Variants in CYSLTR2 observed in about 807,000 individuals in gnomAD.
CYSLTR2 encodes the protein G-protein coupled receptor GPCR21.
For missense variants in CYSLTR2, 398 were observed against 411.9 expected (o/e 0.97, Z 0.29); for synonymous variants, 179 against 160.8 (o/e 1.11, Z -0.86).
chr13:48,687,074 G>T (rs764573798), intron 1 of CYSLTR2, among the ~76,000 whole-genome samples: 1 of 152,010 alleles, frequency 6.6e-6, no homozygotes, highest in Non-Finnish European at 1.5e-5. Context: ...TCCTGGAGCT[G>T]GGACATTCTT....
At chr13:48,696,763 A>G (rs1954197724) in intron 4 of CYSLTR2, 137 bp downstream of exon 4, 1 of 152,276 alleles carries the variant, frequency 6.6e-6, no homozygotes, top group Admixed American at 6.5e-5. Flanking sequence ...GACAGATGGT[A>G]CCTGGAAAAT....
chr13:48,678,402 C>T (rs905493203), intron 1 of CYSLTR2, among the ~76,000 whole-genome samples: 3 of 152,098 alleles, frequency 2.0e-5, no homozygotes, highest in African/African-American at 7.2e-5. Context: ...TCTTTACTCT[C>T]CTTGTATCAT....
intron 1 of CYSLTR2, among the ~76,000 whole-genome samples, chr13:48,682,134 C>T (rs543481663): frequency 1.3e-5 from 2 of 152,242 alleles, no homozygotes; most frequent in East Asian, 3.9e-4. Flanking sequence ...AACGCTGGTT[C>T]TAGTGCCCTG....
chr13:48,680,800 C>CTTTTCTTTTCT (rs1953732111), intron 1 of CYSLTR2, among the ~76,000 whole-genome samples: 5 of 55,046 alleles, frequency 9.1e-5, no homozygotes, highest in Non-Finnish European at 1.7e-4. Context: ...CTTTTCTTTT[C>CTTTTCTTTTCT]TTTTTTTTTT....
At chr13:48,662,543 A>C (rs1161826568) in intron 1 of CYSLTR2, among the ~76,000 whole-genome samples, 3 of 152,186 alleles carry the variant, frequency 2.0e-5, no homozygotes, top group Non-Finnish European at 4.4e-5. Context: ...GATAATAGCC[A>C]TCCTAACTGG....
rs1425182620 is a variant in CYSLTR2, at chr13:48,673,347, T to C, written c.-265-17865T>C. On this transcript the variant is annotated intron_variant, in intron 1 of 4. Coordinates refer to ENST00000682523, the MANE Select transcript of CYSLTR2 (RefSeq NM_001308476.3). ...GCTATTCTTGTTGCATTGATCGCTT[T>C]ATCATTATGTGATTCCCTTCTTTGC... Among the ~76,000 whole-genome samples the C allele has an allele frequency of 2.0e-5, 3 of 152,120 alleles. No homozygotes were observed. In the South Asian group the frequency reaches 6.2e-4, roughly 32 times the overall value.
intron 1 of CYSLTR2, among the ~76,000 whole-genome samples, chr13:48,666,876 A>T (rs879820858): frequency 2.0e-5 from 3 of 151,876 alleles, no homozygotes; most frequent in Admixed American, 6.6e-5. Context: ...TATTATTTTG[A>T]GTTCCTTTAT....
At chr13:48,655,820 G>C (rs140384434) in intron 1 of CYSLTR2, among the ~76,000 whole-genome samples, 13 of 152,282 alleles carry the variant, frequency 8.5e-5, no homozygotes, top group African/African-American at 3.1e-4. Flanking sequence ...AACCAGAACT[G>C]GTCCAATCTG....
At chr13:48,682,386 C>A (rs1427011401) in intron 1 of CYSLTR2, among the ~76,000 whole-genome samples, 1 of 152,162 alleles carries the variant, frequency 6.6e-6, no homozygotes, top group Non-Finnish European at 1.5e-5. Context: ...GAGTCAGGCT[C>A]ACAGAGTTCC....
At chr13:48,664,239 G>A (rs971508139) in intron 1 of CYSLTR2, among the ~76,000 whole-genome samples, 4 of 151,814 alleles carry the variant, frequency 2.6e-5, no homozygotes, top group Admixed American at 2.6e-4. Flanking sequence ...ATTTTGTTTG[G>A]CATTTTTGCT....
chr13:48,661,933 T>A (rs896365389), intron 1 of CYSLTR2, among the ~76,000 whole-genome samples: 11 of 152,216 alleles, frequency 7.2e-5, no homozygotes, highest in African/African-American at 2.7e-4. Context: ...TACAGTGGTA[T>A]AGAACATTAG....
In CYSLTR2 at chr13:48,682,814, A is replaced by G. The variant is rs151104739; in HGVS notation, c.-265-8398A>G. On this transcript the variant is annotated intron_variant, in intron 1 of 4. Coordinates refer to ENST00000682523, the MANE Select transcript of CYSLTR2 (RefSeq NM_001308476.3). ...GTCACAGGGATTTCTTGTATAGAGT[A>G]TTTTGTCAGTCAAGTACTAAGCTTA... is the stretch of plus-strand genomic sequence containing the variant. Among the ~76,000 whole-genome samples the G allele has an allele frequency of 5.5e-4, 84 of 152,174 alleles. No homozygotes were observed. The East Asian group carries it at 0.014, about 26-fold the overall frequency.
intron 1 of CYSLTR2, among the ~76,000 whole-genome samples, chr13:48,656,695 G>A (rs1483157720): frequency 6.6e-6 from 1 of 152,114 alleles, no homozygotes; most frequent in Non-Finnish European, 1.5e-5. Flanking sequence ...AGCATTTCCT[G>A]TGTACTCCAG....
Position 48,660,912 on chromosome 13 carries a change from C to T in CYSLTR2, c.-266+6895C>T, listed in dbSNP as rs553665328. On this transcript the variant is annotated intron_variant, in intron 1 of 4. Transcript: ENST00000682523. Reference sequence around the variant, plus strand: ...TGAGGAACAAATGTGTTGCAGAATCCTCTCTGCACAACTTCAGAGAGCTTA... The same window carrying T: ...TGAGGAACAAATGTGTTGCAGAATCTTCTCTGCACAACTTCAGAGAGCTTA... Among the ~76,000 whole-genome samples, 37 of 152,196 alleles carry T rather than the reference C, an allele frequency of 2.4e-4. No individual in the cohort carries two copies. In the South Asian group the frequency reaches 7.5e-3, roughly 31 times the overall value.
At chr13:48,682,142 C>G (rs1953772900) in intron 1 of CYSLTR2, among the ~76,000 whole-genome samples, 1 of 152,110 alleles carries the variant, frequency 6.6e-6, no homozygotes, top group Non-Finnish European at 1.5e-5. Flanking sequence ...TTCTAGTGCC[C>G]TGCCCATCCA....
In CYSLTR2 at chr13:48,707,436, G is replaced by A; in HGVS notation, c.619G>A (p.Val207Met). Residue 207 changes from valine to methionine, a missense_variant, in exon 5 of 5, where the codon GTG becomes ATG. Physicochemically the swap from Val to Met is conservative, Grantham distance 21. Coordinates refer to ENST00000682523, the MANE Select transcript of CYSLTR2 (RefSeq NM_001308476.3). ...GCAGACCATGAACTATATTGCCTTG[G>A]TGGTGGGCTGCCTGCTGCCATTTTT... The part of the protein sequence containing the change: ...KLQTMNYIAL[V>M]VGCLLPFFTL... 6.2e-7 allele frequency: 1 copy of A among 1,614,064 alleles called. No homozygotes were observed. Among genetic ancestry groups the A allele is most frequent in the Non-Finnish European group, 8.5e-7 (1 of 1,180,006 alleles).
In CYSLTR2 at chr13:48,707,086, C is replaced by A. The variant is rs147650408; in HGVS notation, c.269C>A (p.Thr90Lys). ...ATTTCAGATCTCCTGTTCATAAGCA[C>A]GCTTCCCTTCAGGGCTGACTATTAT... ...LAISDLLFIS[T>K]LPFRADYYLR... The change falls in exon 5 of 5, where the codon ACG (threonine) becomes AAG (lysine). Residue 90 changes from threonine (T) to lysine (K), a missense_variant. By Grantham distance (78) the Thr-to-Lys change is moderately conservative (BLOSUM62 -1). Transcript: ENST00000682523. 9.9e-6 allele frequency: 16 copies of A among 1,614,070 alleles called. No individual in the cohort carries two copies. The highest frequency in any genetic ancestry group is 1.4e-5 in the Non-Finnish European group (16 of 1,180,042).
rs1275618637 is a variant in CYSLTR2, at chr13:48,709,929, T to A, written c.*2071T>A. The A allele has an allele frequency of 6.6e-6, 1 of 152,188 alleles. No homozygotes were observed. The highest frequency in any genetic ancestry group is 1.5e-5 in the Non-Finnish European group (1 of 68,034). 9.4% of individuals were successfully genotyped at this position (152,188 alleles called of 1,614,324 possible). A position where few individuals can be genotyped will look rare whatever the true frequency, so the allele number is the denominator to read the frequency against. On this transcript the variant is annotated 3_prime_UTR_variant, in exon 5 of 5. Coordinates refer to ENST00000682523, the MANE Select transcript of CYSLTR2 (RefSeq NM_001308476.3). ...TCTCCCAGAAAAAGAAGAAATTAAT[T>A]GATTCATACACATTGAGAGGGATTT...
Position 48,709,902 on chromosome 13 carries a change from T to A in CYSLTR2, c.*2044T>A, listed in dbSNP as rs1236245611. ...GACTCTTAAAGGACTCTAGGAGAGA[T>A]GTCTCCCAGAAAAAGAAGAAATTAA... On this transcript the variant is annotated 3_prime_UTR_variant, in exon 5 of 5. Coordinates refer to ENST00000682523, the MANE Select transcript of CYSLTR2 (RefSeq NM_001308476.3). The A allele has an allele frequency of 2.0e-5, 3 of 152,310 alleles. No homozygotes were observed. In the East Asian group the frequency reaches 5.8e-4, roughly 29 times the overall value. The allele number at this position is 152,310 out of a possible 1,614,324, so 9.4% of individuals were successfully genotyped here. A position where few individuals can be genotyped will look rare whatever the true frequency, so the allele number is the denominator to read the frequency against.
Sources: gnomAD v4.1 joint callset for allele counts (sites outside exome capture counted in the v4.1 genomes callset) on GRCh38, gnomAD v4.1.1 for gene constraint, MANE v1.5 for transcripts, NCBI Gene and HGNC (gene_info 2026-07-23, HGNC 2026-07-21) for gene names.